MBD6: variants seen among roughly 807,000 people sequenced by gnomAD.
MBD6 encodes methyl-CpG binding domain protein 6, also known as methyl-CpG-binding domain protein 6.
In MBD6, 22 loss-of-function variants were observed where a neutral mutation model predicts 66.8. The observed-to-expected ratio is 0.33, with a 90% CI of 0.24 to 0.47. MBD6 has a LOEUF of 0.47. MBD6 is among the 20% of genes least tolerant of loss of function. MBD6 has a pLI of 1.00. For missense variants in MBD6, 1,322 were observed against 1,286.9 expected (o/e 1.03, Z -0.42); for synonymous variants, 540 against 534.6 (o/e 1.01, Z -0.14).
Position 57,525,646 on chromosome 12 carries a change from A to C in MBD6, c.678A>C (p.Ser226=). 1.2e-6 allele frequency: 2 copies of C among 1,613,504 alleles called. No individual in the cohort carries two copies. The highest frequency in any genetic ancestry group is 1.1e-5 in the South Asian group (1 of 91,054). ...CTGCTATCAGCCTCAATGCTCCCTC[A>C]TACAACTGGGGAGCTGCCCTCAGAT... is the stretch of plus-strand genomic sequence containing the variant. ...PPPAISLNAP[S]YNWGAALRSS... Residue 226 remains serine (S), a synonymous_variant, in exon 6 of 13, where the codon TCA becomes TCC. Transcript: ENST00000355673.
At chr12:57,522,759 A>G (rs181698936), upstream of MBD6, 54 of 155,222 alleles carry the variant, frequency 3.5e-4, no homozygotes, top group South Asian at 8.7e-4. Context: ...TGCGGCAGCG[A>G]CGGCGGCGGC....
upstream of MBD6, among the ~76,000 whole-genome samples, chr12:57,522,518 C>T (rs1878427684): frequency 6.6e-6 from 1 of 151,892 alleles, no homozygotes; most frequent in Non-Finnish European, 1.5e-5. Context: ...CTGGGATTGG[C>T]CACCAGTGGC....
chr12:57,528,536 C>T lies in MBD6; in HGVS notation c.2796C>T (p.Pro932=), dbSNP rs779020137. Residue 932 remains proline, a synonymous_variant, in exon 10 of 13, where the codon CCC becomes CCT. Coordinates refer to ENST00000355673, the MANE Select transcript of MBD6 (RefSeq NM_052897.4). The stretch of plus-strand genomic sequence containing the variant: ...CTGAGCCCAAGGATCCACCCCCTCC[C>T]GGGCCCCATTCTGAGGACCTTAAGG... ...GGAEPKDPPP[P]GPHSEDLKVP... The T allele has an allele frequency of 8.5e-5, 137 of 1,611,316 alleles. No homozygotes were observed. The highest frequency in any genetic ancestry group is 3.3e-4 in the Middle Eastern group (2 of 6,072).
chr12:57,530,402 C>G, downstream of MBD6: 1 of 356,056 alleles, frequency 2.8e-6, no homozygotes, highest in South Asian at 5.8e-5. Flanking sequence ...CCAATCCTTC[C>G]CCACACCAGG....
chr12:57,528,797 C>T, intron 11 of MBD6, 79 bp downstream of exon 11: 3 of 1,603,106 alleles, frequency 1.9e-6, no homozygotes, highest in South Asian at 2.2e-5. Context: ...CAAATAGTGG[C>T]TTGGTTTTCA....
Position 57,528,085 on chromosome 12 carries a change from G to A in MBD6, c.2407-62G>A, listed in dbSNP as rs916463326. 4 of 1,535,358 alleles carry A rather than the reference G, an allele frequency of 2.6e-6. No homozygotes were observed. The African/African-American group carries it at 5.6e-5, about 21-fold the overall frequency. On this transcript the variant is annotated intron_variant, in intron 9 of 12. Coordinates refer to ENST00000355673, the MANE Select transcript of MBD6 (RefSeq NM_052897.4). ...TCAAACTGGAAATTTAGGGCTTTCT[G>A]AGTTATAGTAGAAGAGGGACGGTAT...
Position 57,529,428 on chromosome 12 carries a change from A to ACCCCCCCCC in MBD6, c.*196_*197insCCCCCCCCC, listed in dbSNP as rs1565672224. The ACCCCCCCCC allele has an allele frequency of 2.5e-6, 1 of 392,892 alleles. No individual in the cohort carries two copies. The highest frequency in any genetic ancestry group is 2.9e-5 in the African/African-American group (1 of 34,846). 24.3% of individuals were successfully genotyped at this position (392,892 alleles called of 1,614,324 possible). A position where few individuals can be genotyped will look rare whatever the true frequency, so the allele number is the denominator to read the frequency against. ...GGGGCAGGGAAGTTCACCCCCCCCC[A>ACCCCCCCCC]CCACCCCCCCGCCCCCCCGAAGCCA... is the stretch of plus-strand genomic sequence containing the variant. On this transcript the variant is annotated 3_prime_UTR_variant, in exon 13 of 13. Transcript: ENST00000355673.
chr12:57,525,860 C>A lies in MBD6; in HGVS notation c.892C>A (p.Pro298Thr). 1.2e-6 allele frequency: 2 copies of A among 1,613,516 alleles called. No individual in the cohort carries two copies. Among genetic ancestry groups the A allele is most frequent in the Admixed American group, 3.3e-5 (2 of 59,980 alleles). The change falls in exon 6 of 13, where the codon CCC becomes ACC. Residue 298 changes from proline to threonine, a missense_variant. Transcript: ENST00000355673. ...AGTGTCTTCAGCCACTATGCACCTG[C>A]CCCTGGTCCTGGGGCCCCTGGGAGG... ...PPVSSATMHLPLVLGPLGGAP... is the reference protein window; with the variant it reads ...PPVSSATMHLTLVLGPLGGAP...
chr12:57,526,564 A>G lies in MBD6; in HGVS notation c.1421-2A>G. ...GAGCTGAATTTCTCTCCTCTTTTACAGGTGCCCCTGCCCCACCAGCTGCCT... is the reference window on the plus strand; with the variant it reads ...GAGCTGAATTTCTCTCCTCTTTTACGGGTGCCCCTGCCCCACCAGCTGCCT... On this transcript the variant is annotated splice_acceptor_variant, in intron 6 of 12. Coordinates refer to ENST00000355673, the MANE Select transcript of MBD6 (RefSeq NM_052897.4). LOFTEE classifies it high-confidence loss of function. 6.6e-7 allele frequency: 1 copy of G among 1,510,778 alleles called. No homozygotes were observed. The highest frequency in any genetic ancestry group is 8.8e-7 in the Non-Finnish European group (1 of 1,131,106). The allele number at this position is 1,510,778 out of a possible 1,614,324, so 93.6% of individuals were successfully genotyped here.
chr12:57,523,423 C>T (rs993305332), intron 1 of MBD6: 6 of 152,238 alleles, frequency 3.9e-5, no homozygotes, highest in African/African-American at 1.4e-4. Context: ...TGGAGATAAT[C>T]GGAAGCCAGT....
At position 57,526,535 on chromosome 12, in the gene MBD6, C is replaced by T. The variant is rs768887159; in HGVS notation, c.1421-31C>T. ...TTTGGATGATGGGAGAAAGGGCCTCCCTTGAGCTGAATTTCTCTCCTCTTT... is the reference window on the plus strand; with the variant it reads ...TTTGGATGATGGGAGAAAGGGCCTCTCTTGAGCTGAATTTCTCTCCTCTTT... On this transcript the variant is annotated intron_variant, in intron 6 of 12. Transcript: ENST00000355673. 5.3e-6 allele frequency: 8 copies of T among 1,513,240 alleles called. No homozygotes were observed. The South Asian group carries it at 8.1e-5, about 15-fold the overall frequency. The allele number at this position is 1,513,240 out of a possible 1,614,324, so 93.7% of individuals were successfully genotyped here. A position where few individuals can be genotyped will look rare whatever the true frequency, so the allele number is the denominator to read the frequency against.
rs758557638 is a variant in MBD6 at position 57,526,960 on chromosome 12, A to T, written c.1815A>T (p.Pro605=). The change falls in exon 7 of 13, where the codon CCA becomes CCT. Residue 605 remains proline (P), a synonymous_variant. Transcript: ENST00000355673. ...PSLLVASLLP[P]PPSDLLPPPS... is the part of the protein sequence containing the mutation. ...TTTTGGTGGCTTCCTTGCTTCCTCC[A>T]CCACCCTCAGACCTTCTTCCACCTC... 6.2e-7 allele frequency: 1 copy of T among 1,610,890 alleles called. No homozygotes were observed. Among genetic ancestry groups the T allele is most frequent in the Non-Finnish European group, 8.5e-7 (1 of 1,179,458 alleles).
In MBD6 at chr12:57,525,517, G is replaced by A; in HGVS notation, c.549G>A (p.Gly183=). 5 of 1,571,234 alleles carry A rather than the reference G, an allele frequency of 3.2e-6. No individual in the cohort carries two copies. Among genetic ancestry groups the A allele is most frequent in the Non-Finnish European group, 4.3e-6 (5 of 1,160,300 alleles). The part of the protein sequence containing the change: ...QAFPTLAGPG[G]LFPPRLADPV... ...TTCCCACTCTAGCAGGCCCTGGGGG[G>A]CTTTTCCCCCCAAGGCTTGCTGACC... The change falls in exon 6 of 13, where the codon GGG becomes GGA. Residue 183 remains glycine, a synonymous_variant. Transcript: ENST00000355673.
At chr12:57,527,299 T>C in intron 7 of MBD6, 72 bp downstream of exon 7, 1 of 1,168,196 alleles carries the variant, frequency 8.6e-7, no homozygotes, top group Non-Finnish European at 1.2e-6. Context: ...AATCAAAAGC[T>C]TTCAGTTTCA....
In MBD6 at chr12:57,524,205, C is replaced by T. The variant is rs1308535507; in HGVS notation, c.-24-75C>T. 7 of 917,498 alleles carry T rather than the reference C, an allele frequency of 7.6e-6. No homozygotes were observed. In the Admixed American group the frequency reaches 1.2e-4, roughly 15 times the overall value. The allele number at this position is 917,498 out of a possible 1,614,324, so 56.8% of individuals were successfully genotyped here. ...TCTTGGGTCTCCCCACAACCTTTGC[C>T]TTCCTGGAGTCCTCTCTCAGGTACT... On this transcript the variant is annotated intron_variant, in intron 2 of 12. Coordinates refer to ENST00000355673, the MANE Select transcript of MBD6 (RefSeq NM_052897.4).
chr12:57,526,734 G>T lies in MBD6; in HGVS notation c.1589G>T (p.Ser530Ile). The T allele has an allele frequency of 6.4e-7, 1 of 1,572,718 alleles. No homozygotes were observed. Residue 530 changes from serine (S) to isoleucine (I), a missense_variant, in exon 7 of 13, where the codon AGT becomes ATT. Coordinates refer to ENST00000355673, the MANE Select transcript of MBD6 (RefSeq NM_052897.4). Reference protein sequence around the residue: ...FPSPEQGLALSGAGFPGMLGA... With the variant: ...FPSPEQGLALIGAGFPGMLGA... ...AGCCCTGAGCAGGGCCTGGCACTGA[G>T]TGGAGCTGGCTTCCCTGGGATGCTT...
chr12:57,528,061 C>G (rs1247701100), intron 9 of MBD6, 44 bp downstream of exon 9: 1 of 1,529,200 alleles, frequency 6.5e-7, no homozygotes, highest in Admixed American at 2.2e-5. Context: ...AATTTTTTCT[C>G]AAACTGGAAA....
At chr12:57,530,934 A>G (rs1879636672), downstream of MBD6, among the ~76,000 whole-genome samples, 1 of 152,220 alleles carries the variant, frequency 6.6e-6, no homozygotes, top group Non-Finnish European at 1.5e-5. Context: ...AGCTACCCTT[A>G]GAGTACATAG....
chr12:57,527,124 C>G lies in MBD6; in HGVS notation c.1979C>G (p.Ser660Cys), dbSNP rs770477694. Residue 660 changes from serine (S) to cysteine (C), a missense_variant, in exon 7 of 13, where the codon TCC becomes TGC. Ser to Cys is a moderately radical substitution (Grantham distance 112). Transcript: ENST00000355673. The stretch of plus-strand genomic sequence containing the variant: ...CCATTTTCAGGCTTGGGAGACCTGT[C>G]CCCCCTACTTTTCCCCCCACTTTCA... ...GEPFSGLGDL[S>C]PLLFPPLSAP... 2.6e-6 allele frequency: 4 copies of G among 1,531,266 alleles called. No homozygotes were observed. The highest frequency in any genetic ancestry group is 1.2e-5 in the South Asian group (1 of 84,074). 94.9% of individuals were successfully genotyped at this position (1,531,266 alleles called of 1,614,324 possible). A position where few individuals can be genotyped will look rare whatever the true frequency, so the allele number is the denominator to read the frequency against.
Sources: gnomAD v4.1 joint callset for allele counts (sites outside exome capture counted in the v4.1 genomes callset) on GRCh38, gnomAD v4.1.1 for gene constraint, MANE v1.5 for transcripts, NCBI Gene and HGNC (gene_info 2026-07-23, HGNC 2026-07-21) for gene names.